Variants in CEP128 observed in about 807,000 individuals in gnomAD.
CEP128 encodes centrosomal protein 128, also known as centrosomal protein 128kDa.
A neutral mutation model predicts 156.7 loss-of-function variants in CEP128; 132 were observed. The observed-to-expected ratio is 0.84, with a 90% CI of 0.73 to 0.97. The LOEUF (loss-of-function observed/expected upper bound fraction) is 0.97, where lower values mean the gene tolerates loss of function less well. Among genes scored for constraint, CEP128 ranks in the 50% least tolerant of loss-of-function variants. CEP128 has a pLI of 0.00. For synonymous variants in CEP128, 469 were observed against 448.9 expected (o/e 1.04, Z -0.57); for missense variants, 1,252 against 1,281.9 (o/e 0.98, Z 0.36).
downstream of CEP128, among the ~76,000 whole-genome samples, chr14:80,489,502 A>G (rs577618216): frequency 4.6e-5 from 7 of 152,254 alleles, no homozygotes; most frequent in South Asian, 1.5e-3. Flanking sequence ...AAGGTAAAAA[A>G]GTCTCTAAAG....
At chr14:80,700,237 A>G (rs1897027946) in intron 19 of CEP128, among the ~76,000 whole-genome samples, 1 of 152,130 alleles carries the variant, frequency 6.6e-6, no homozygotes, top group African/African-American at 2.4e-5. Flanking sequence ...AAGGAGAAGT[A>G]TATTTCATGA....
At chr14:80,852,787 A>C (rs1232523472) in intron 9 of CEP128, among the ~76,000 whole-genome samples, 1 of 151,936 alleles carries the variant, frequency 6.6e-6, no homozygotes, top group African/African-American at 2.4e-5. Context: ...AAATAGGAAA[A>C]GAAGGAATCC....
chr14:80,748,606 G>A (rs538545116), intron 18 of CEP128, among the ~76,000 whole-genome samples: 1 of 152,248 alleles, frequency 6.6e-6, no homozygotes, highest in African/African-American at 2.4e-5. Context: ...ACATGTTATG[G>A]TTAAAGTAGA....
At chr14:80,558,611 C>T (rs1304885715) in intron 21 of CEP128, among the ~76,000 whole-genome samples, 7 of 151,500 alleles carry the variant, frequency 4.6e-5, no homozygotes, top group East Asian at 2.0e-4. Flanking sequence ...TTAGTAGAGA[C>T]GGGGTTTTAC....
At chr14:80,858,089 T>C (rs1340159574) in intron 9 of CEP128, among the ~76,000 whole-genome samples, 2 of 152,130 alleles carry the variant, frequency 1.3e-5, no homozygotes, top group African/African-American at 4.8e-5. Context: ...GATCGCCAAG[T>C]CAGTCCTAAG....
At chr14:80,481,673 T>G (rs1887056395) in intron 14 of CEP128, among the ~76,000 whole-genome samples, 1 of 152,142 alleles carries the variant, frequency 6.6e-6, no homozygotes, top group South Asian at 2.1e-4. Flanking sequence ...GCATGAGAGG[T>G]GAATGGCAGG....
intron 19 of CEP128, among the ~76,000 whole-genome samples, chr14:80,729,061 GTGTGT>G (rs1566881014): frequency 3.4e-4 from 9 of 26,260 alleles, no homozygotes; most frequent in South Asian, 1.1e-3. Context: ...TGGTGGGGGT[GTGTGT>G]GTGTGTGTGT....
chr14:80,800,826 G>C (rs1157498523), intron 13 of CEP128, among the ~76,000 whole-genome samples: 2 of 152,186 alleles, frequency 1.3e-5, no homozygotes, highest in Non-Finnish European at 2.9e-5. Flanking sequence ...ATATGAATGA[G>C]CAGGAGAGAA....
intron 20 of CEP128, among the ~76,000 whole-genome samples, chr14:80,578,395 T>C (rs866141404): frequency 1.3e-5 from 2 of 152,202 alleles, no homozygotes; most frequent in East Asian, 1.9e-4. Context: ...ATATCTGTTA[T>C]ACATAATTAT....
chr14:80,861,815 TAAAAG>T (rs1887526091), intron 9 of CEP128, among the ~76,000 whole-genome samples: 1 of 152,208 alleles, frequency 6.6e-6, no homozygotes, highest in Non-Finnish European at 1.5e-5. Flanking sequence ...ACTGTAACTA[TAAAAG>T]AAAACATACA....
intron 13 of CEP128, among the ~76,000 whole-genome samples, chr14:80,814,956 G>A (rs1884764035): frequency 6.6e-6 from 1 of 152,180 alleles, no homozygotes; most frequent in South Asian, 2.1e-4. Context: ...TACTCAGGAG[G>A]CTGAGGCAGG....
intron 8 of CEP128, among the ~76,000 whole-genome samples, chr14:80,864,482 T>C (rs1445150282): frequency 6.6e-6 from 1 of 152,178 alleles, no homozygotes; most frequent in African/African-American, 2.4e-5. Flanking sequence ...TCCAAAATTA[T>C]TTAGACATCA....
chr14:80,668,587 C>T (rs1895719087), intron 19 of CEP128, among the ~76,000 whole-genome samples: 2 of 152,084 alleles, frequency 1.3e-5, no homozygotes, highest in African/African-American at 4.8e-5. Context: ...AATAATTGTA[C>T]ATTAGGAGTC....
chr14:80,821,517 C>T (rs1293117747), intron 13 of CEP128, among the ~76,000 whole-genome samples: 3 of 151,644 alleles, frequency 2.0e-5, no homozygotes, highest in Non-Finnish European at 4.4e-5. Context: ...TTTAAATTTT[C>T]AATAGATCCA....
intron 14 of CEP128, among the ~76,000 whole-genome samples, chr14:80,788,997 TA>T (rs1341992722): frequency 6.6e-6 from 1 of 152,066 alleles, no homozygotes; most frequent in Non-Finnish European, 1.5e-5. Flanking sequence ...ATGGAATGGA[TA>T]GGGGGAGGCA....
At chr14:80,824,517 T>G (rs1402467210) in intron 13 of CEP128, among the ~76,000 whole-genome samples, 1 of 152,176 alleles carries the variant, frequency 6.6e-6, no homozygotes, top group East Asian at 1.9e-4. Context: ...GCTTAAAAAT[T>G]TATTCTGAAC....
intron 19 of CEP128, among the ~76,000 whole-genome samples, chr14:80,695,876 A>T (rs1018139883): frequency 1.6e-4 from 25 of 152,128 alleles, no homozygotes; most frequent in Admixed American, 1.3e-3. Flanking sequence ...GCTTCAAAAA[A>T]ATTTTTTTTG....
At chr14:80,833,147 T>G (rs558930363) in intron 12 of CEP128, among the ~76,000 whole-genome samples, 3 of 152,058 alleles carry the variant, frequency 2.0e-5, no homozygotes, top group Non-Finnish European at 2.9e-5. Context: ...TGTATTTGTT[T>G]ATTTTATAAA....
chr14:80,815,002 G>C (rs1595444918), intron 13 of CEP128, among the ~76,000 whole-genome samples: 1 of 152,192 alleles, frequency 6.6e-6, no homozygotes, highest in East Asian at 1.9e-4. Context: ...AGATTGTAGT[G>C]AGCCGAGATT....
Sources: allele counts gnomAD v4.1 joint callset (sites outside exome capture counted in the v4.1 genomes callset), GRCh38; gene constraint gnomAD v4.1.1; transcripts MANE v1.5; gene names NCBI Gene and HGNC (gene_info 2026-07-23, HGNC 2026-07-21).